Variants in CNIH3 observed in about 807,000 individuals in gnomAD.
The protein encoded by CNIH3 is cornichon family AMPA receptor auxiliary protein 3, also known as protein cornichon homolog 3.
In CNIH3, 14 loss-of-function variants were observed where a neutral mutation model predicts 24.1. The observed-to-expected ratio is 0.58, with a 90% confidence interval of 0.38 to 0.91. The LOEUF (loss-of-function observed/expected upper bound fraction) is 0.91, where lower values mean the gene tolerates loss of function less well. Among genes scored for constraint, CNIH3 ranks in the 40% least tolerant of loss-of-function variants. CNIH3 has a pLI of 0.00. For missense variants in CNIH3, 178 were observed against 196.8 expected (o/e 0.90, Z 0.57); for synonymous variants, 68 against 73.8 (o/e 0.92, Z 0.40).
intron 3 of CNIH3, among the ~76,000 whole-genome samples, chr1:224,691,091 A>G (rs1264463575): frequency 6.6e-6 from 1 of 152,232 alleles, no homozygotes; most frequent in Non-Finnish European, 1.5e-5. Flanking sequence ...CAGTCTTGTT[A>G]AATGAGGAGA....
intron 1 of CNIH3, among the ~76,000 whole-genome samples, chr1:224,621,406 G>A (rs1683271669): frequency 6.6e-6 from 1 of 152,176 alleles, no homozygotes; most frequent in South Asian, 2.1e-4. Context: ...TGAAATGGTA[G>A]GATGCTTGGG....
At chr1:224,708,965 A>G (rs962279117) in intron 3 of CNIH3, among the ~76,000 whole-genome samples, 2 of 152,250 alleles carry the variant, frequency 1.3e-5, no homozygotes, top group East Asian at 1.9e-4. Flanking sequence ...TGAAAAAAAC[A>G]AAACAAAACA....
chr1:224,549,196 A>G (rs2124962489), intron 3 of CNIH3, among the ~76,000 whole-genome samples: 1 of 152,236 alleles, frequency 6.6e-6, no homozygotes, highest in Admixed American at 6.5e-5. Context: ...CATTAATATC[A>G]TAGTGTGTAC....
upstream of CNIH3, among the ~76,000 whole-genome samples, chr1:224,613,298 A>G (rs1682786173): frequency 6.6e-6 from 1 of 152,106 alleles, no homozygotes; most frequent in Non-Finnish European, 1.5e-5. Flanking sequence ...ACAGTGCCTG[A>G]CCTCCAAATT....
intron 1 of CNIH3, chr1:224,661,659 C>A: frequency 3.9e-6 from 1 of 255,618 alleles, no homozygotes; most frequent in Admixed American, 4.1e-5. Context: ...TCCGCCACGT[C>A]CTCTACCATT....
At chr1:224,554,048 G>A (rs1323783273) in intron 3 of CNIH3, among the ~76,000 whole-genome samples, 1 of 152,084 alleles carries the variant, frequency 6.6e-6, no homozygotes, top group Non-Finnish European at 1.5e-5. Context: ...CACCACAAGG[G>A]TGCTGGAAAA....
chr1:224,548,774 T>G (rs1467895638), intron 3 of CNIH3, among the ~76,000 whole-genome samples: 10 of 151,478 alleles, frequency 6.6e-5, no homozygotes, highest in Non-Finnish European at 1.2e-4. Context: ...GTACACCCTG[T>G]GTGTACACCC....
At chr1:224,509,333 G>A (rs1366426004) in intron 1 of CNIH3, among the ~76,000 whole-genome samples, 1 of 152,024 alleles carries the variant, frequency 6.6e-6, no homozygotes, top group African/African-American at 2.4e-5. Context: ...ATAGAAAGAC[G>A]AAAGGAAAGA....
chr1:224,473,759 G>T (rs1337718406), intron 1 of CNIH3, among the ~76,000 whole-genome samples: 1 of 152,192 alleles, frequency 6.6e-6, no homozygotes, highest in South Asian at 2.1e-4. Flanking sequence ...AATCAACAAA[G>T]AAACATTGGA....
At chr1:224,587,951 A>C (rs1002799662) in intron 5 of CNIH3, among the ~76,000 whole-genome samples, 2 of 151,858 alleles carry the variant, frequency 1.3e-5, no homozygotes, top group South Asian at 2.1e-4. Context: ...CATTAAAAAA[A>C]AAAACAAAAC....
chr1:224,442,687 G>C (rs1233145515), intron 1 of CNIH3, among the ~76,000 whole-genome samples: 1 of 152,162 alleles, frequency 6.6e-6, no homozygotes, highest in Non-Finnish European at 1.5e-5. Flanking sequence ...CCTTATGAAG[G>C]CTGTATTTTC....
intron 1 of CNIH3, among the ~76,000 whole-genome samples, chr1:224,479,558 A>C (rs1676724874): frequency 6.6e-6 from 1 of 152,244 alleles, no homozygotes; most frequent in South Asian, 2.1e-4. Context: ...CTGTTAAATC[A>C]AAAGCAAGTT....
At chr1:224,631,202 A>G (rs1683805519) in intron 1 of CNIH3, among the ~76,000 whole-genome samples, 2 of 152,168 alleles carry the variant, frequency 1.3e-5, no homozygotes, top group Admixed American at 1.3e-4. Flanking sequence ...GTGCATGCTC[A>G]GGACATGGGG....
intron 2 of CNIH3, among the ~76,000 whole-genome samples, chr1:224,532,511 C>T (rs762926131): frequency 5.3e-5 from 8 of 152,082 alleles, no homozygotes; most frequent in East Asian, 1.9e-4. Context: ...GAGGTGATGG[C>T]GGCTCCCATC....
In CNIH3 at chr1:224,571,900, G is replaced by T. The variant is rs557428554; in HGVS notation, n.516+5636G>T. Among the ~76,000 whole-genome samples, 194 of 152,298 alleles carry T rather than the reference G, an allele frequency of 1.3e-3. 1 individual carries two copies. Among genetic ancestry groups the T allele is most frequent in the African/African-American group, 4.6e-3 (192 of 41,566 alleles). ...TGCCCAAGCAGGTTTTCCACAGGGA[G>T]TTCTAACTGGTGGGTTTAAAGCAAG... On this transcript the variant is annotated intron_variant and non_coding_transcript_variant, in intron 4 of 5. Coordinates refer to the CNIH3 transcript ENST00000471578.
chr1:224,486,208 C>T (rs936311797), intron 1 of CNIH3, among the ~76,000 whole-genome samples: 8 of 152,110 alleles, frequency 5.3e-5, no homozygotes, highest in Non-Finnish European at 5.9e-5. Flanking sequence ...TCTGCTCAAA[C>T]GATCCTCCCA....
At chr1:224,524,256 G>C (rs985577614) in intron 2 of CNIH3, among the ~76,000 whole-genome samples, 1 of 152,166 alleles carries the variant, frequency 6.6e-6, no homozygotes, top group Admixed American at 6.5e-5. Context: ...CAGATCGGCT[G>C]GTCAAGGACC....
chr1:224,590,033 G>A (rs1681683936), downstream of CNIH3, among the ~76,000 whole-genome samples: 1 of 152,020 alleles, frequency 6.6e-6, no homozygotes, highest in African/African-American at 2.4e-5. Context: ...TGAGCCGCCA[G>A]GCCTGGCTAA....
At chr1:224,633,468 C>T (rs536128932) in intron 1 of CNIH3, among the ~76,000 whole-genome samples, 1 of 152,218 alleles carries the variant, frequency 6.6e-6, no homozygotes, top group East Asian at 1.9e-4. Flanking sequence ...AGTTAAGATT[C>T]TTAGAAATCA....
Sources: gnomAD v4.1 joint callset for allele counts (sites outside exome capture counted in the v4.1 genomes callset) on GRCh38, gnomAD v4.1.1 for gene constraint, MANE v1.5 for transcripts, NCBI Gene and HGNC (gene_info 2026-07-23, HGNC 2026-07-21) for gene names.